Variants in ATP8A2 observed in about 807,000 individuals in gnomAD.
ATP8A2 encodes the protein phospholipid-transporting ATPase IB.
In ATP8A2, 100 loss-of-function variants were observed where a neutral mutation model predicts 165.6. That is an observed-to-expected ratio of 0.60 (90% CI 0.51 to 0.71). The LOEUF (loss-of-function observed/expected upper bound fraction) is 0.71. ATP8A2 is among the 30% of genes least tolerant of loss of function. The probability of loss-of-function intolerance (pLI) is 0.00; values close to 1 mark genes in which losing one functional copy is unlikely to be tolerated. For missense variants in ATP8A2, 1,227 were observed against 1,479.5 expected, an observed-to-expected ratio of 0.83 and a Z score of 2.80; for synonymous variants, 543 against 548.8, an observed-to-expected ratio of 0.99 and a Z score of 0.15.
At chr13:25,756,779 C>G (rs2044272132) in intron 25 of ATP8A2, among the ~76,000 whole-genome samples, 1 of 152,232 alleles carries the variant, frequency 6.6e-6, no homozygotes, top group Non-Finnish European at 1.5e-5. Context: ...TGTGCGAAAT[C>G]AGCACTTGCT....
At chr13:25,435,459 A>G (rs1375469931) in intron 1 of ATP8A2, among the ~76,000 whole-genome samples, 1 of 152,132 alleles carries the variant, frequency 6.6e-6, no homozygotes, top group Non-Finnish European at 1.5e-5. Flanking sequence ...GATGTGGGCT[A>G]TATTTGCAGG....
At chr13:25,577,171 G>A (rs1274352875) in intron 20 of ATP8A2, 33 bp downstream of exon 20, 1 of 1,573,078 alleles carries the variant, frequency 6.4e-7, no homozygotes, top group South Asian at 1.1e-5. Flanking sequence ...GCGTAGCGGA[G>A]TTCTTGGCAG....
intron 1 of ATP8A2, among the ~76,000 whole-genome samples, chr13:25,464,338 T>G (rs2035578653): frequency 6.6e-6 from 1 of 151,752 alleles, no homozygotes; most frequent in South Asian, 2.1e-4. Context: ...TATGAGAAGT[T>G]TATAGAATGA....
intron 1 of ATP8A2, among the ~76,000 whole-genome samples, chr13:25,443,962 AG>A (rs1219580658): frequency 2.0e-5 from 3 of 152,252 alleles, no homozygotes; most frequent in Non-Finnish European, 4.4e-5. Context: ...TTTAGCATAA[AG>A]TATATAAATG....
At chr13:25,653,480 C>G (rs1399259078) in intron 24 of ATP8A2, among the ~76,000 whole-genome samples, 8 of 152,088 alleles carry the variant, frequency 5.3e-5, no homozygotes, top group South Asian at 2.1e-4. Flanking sequence ...AGGACAGGAT[C>G]AGAAAATACA....
Position 25,795,616 on chromosome 13 carries a change from G to A in ATP8A2, c.2679+20657G>A, listed in dbSNP as rs142199425. Among the ~76,000 whole-genome samples the A allele has an allele frequency of 3.1e-3, 472 of 152,194 alleles. 1 individual carries two copies. The highest frequency in any genetic ancestry group is 0.01 in the African/African-American group (433 of 41,516). On this transcript the variant is annotated intron_variant, in intron 27 of 36. Coordinates refer to ENST00000381655, the MANE Select transcript of ATP8A2 (RefSeq NM_016529.6). Reference sequence around the variant, plus strand: ...TACAGGACTTTTTTCCCCCTCTTTGGGTTATAGTCAACCTAATTAGCAATT... The same window carrying A: ...TACAGGACTTTTTTCCCCCTCTTTGAGTTATAGTCAACCTAATTAGCAATT...
chr13:25,449,476 T>A (rs2035154968), intron 1 of ATP8A2, among the ~76,000 whole-genome samples: 1 of 152,194 alleles, frequency 6.6e-6, no homozygotes, highest in South Asian at 2.1e-4. Context: ...CTGAGACTTG[T>A]TGTATGCTAT....
chr13:25,500,169 C>T (rs1336332742), intron 2 of ATP8A2, among the ~76,000 whole-genome samples: 21 of 152,176 alleles, frequency 1.4e-4, no homozygotes, highest in Non-Finnish European at 2.8e-4. Context: ...ATACAGATCA[C>T]TAAGATTCCT....
At position 25,830,529 on chromosome 13, in the gene ATP8A2, G is replaced by A. The variant is rs1951435138; in HGVS notation, c.2754+2337G>A. Among the ~76,000 whole-genome samples the A allele has an allele frequency of 2.6e-5, 4 of 152,170 alleles. No homozygotes were observed. The South Asian group carries it at 8.3e-4, about 32-fold the overall frequency. On this transcript the variant is annotated intron_variant, in intron 28 of 36. Coordinates refer to ENST00000381655, the MANE Select transcript of ATP8A2 (RefSeq NM_016529.6). ...AAGGATCTGCCAGGTGAACTCCAAT[G>A]TGCCACTGGGCTCTGGACTTGCTCA...
At chr13:25,535,353 T>G (rs1593483513) in intron 6 of ATP8A2, among the ~76,000 whole-genome samples, 1 of 152,304 alleles carries the variant, frequency 6.6e-6, no homozygotes, top group South Asian at 2.1e-4. Flanking sequence ...TGGATCTCAG[T>G]GGCTTTGATT....
intron 5 of ATP8A2, among the ~76,000 whole-genome samples, chr13:25,532,966 G>A (rs979054856): frequency 6.6e-6 from 1 of 152,046 alleles, no homozygotes; most frequent in Non-Finnish European, 1.5e-5. Context: ...GCGCCCAGCT[G>A]TTCAGTTTTT....
At chr13:25,882,928 GATGATGA>G (rs1252073433) in intron 33 of ATP8A2, among the ~76,000 whole-genome samples, 2 of 151,660 alleles carry the variant, frequency 1.3e-5, no homozygotes, top group African/African-American at 4.8e-5. Flanking sequence ...TGATGATGAT[GATGATGA>G]TGATGGTGAT....
chr13:25,579,766 A>G (rs1308669306), intron 21 of ATP8A2, 42 bp from the exon 22 acceptor site: 1 of 1,606,970 alleles, frequency 6.2e-7, no homozygotes, highest in South Asian at 1.1e-5. Flanking sequence ...CTAGGAGGTC[A>G]CGCGTTCTGC....
intron 24 of ATP8A2, chr13:25,591,445 A>G (rs1226537170): frequency 1.8e-5 from 8 of 448,364 alleles, no homozygotes; most frequent in East Asian, 7.0e-5. Flanking sequence ...ATGTAACATA[A>G]TGTCTTCAAG....
At chr13:25,441,744 G>T (rs536595806) in intron 1 of ATP8A2, among the ~76,000 whole-genome samples, 1 of 152,252 alleles carries the variant, frequency 6.6e-6, no homozygotes, top group Non-Finnish European at 1.5e-5. Context: ...TTTTTATGCA[G>T]TAAAATACAC....
intron 25 of ATP8A2, among the ~76,000 whole-genome samples, chr13:25,704,887 G>A (rs2043024081): frequency 6.6e-6 from 1 of 152,156 alleles, no homozygotes; most frequent in Non-Finnish European, 1.5e-5. Context: ...CAGGGCCTAT[G>A]CTCTTAAGTC....
chr13:25,817,523 C>T (rs1951058812), intron 27 of ATP8A2, among the ~76,000 whole-genome samples: 1 of 152,020 alleles, frequency 6.6e-6, no homozygotes, highest in Non-Finnish European at 1.5e-5. Flanking sequence ...CTATAAGATT[C>T]AACTTTCTTG....
At chr13:25,586,838 G>A (rs766209443) in intron 23 of ATP8A2, among the ~76,000 whole-genome samples, 1 of 152,174 alleles carries the variant, frequency 6.6e-6, no homozygotes, top group Non-Finnish European at 1.5e-5. Flanking sequence ...GGTTGAGAGA[G>A]CTGACAGATT....
At chr13:25,570,913 A>G (rs1424125819) in intron 17 of ATP8A2, 41 bp downstream of exon 17, 1 of 1,429,908 alleles carries the variant, frequency 7.0e-7, no homozygotes, top group Admixed American at 1.7e-5. Flanking sequence ...GCCCCTTCTC[A>G]GGACACCTGG....
Sources: allele counts gnomAD v4.1 joint callset (sites outside exome capture counted in the v4.1 genomes callset), GRCh38; gene constraint gnomAD v4.1.1; transcripts MANE v1.5; gene names NCBI Gene and HGNC (gene_info 2026-07-23, HGNC 2026-07-21).